The following TAMM41 variants were observed in gnomAD, a reference collection of about 807,000 sequenced individuals.
TAMM41 encodes phosphatidate cytidylyltransferase, mitochondrial.
Under a neutral mutation model 44.1 loss-of-function variants are expected in TAMM41, and 36 were observed. The observed-to-expected ratio is 0.82, with a 90% CI of 0.63 to 1.08. TAMM41 has a LOEUF of 1.08. TAMM41 is among the 50% of genes least tolerant of loss of function. The pLI is 0.00. For missense variants in TAMM41, 417 were observed against 404.3 expected, an observed-to-expected ratio of 1.03 and a Z score of -0.27; for synonymous variants, 164 against 153.1, an observed-to-expected ratio of 1.07 and a Z score of -0.53.
chr3:11,840,671 G>C (rs763596961), intron 2 of TAMM41, among the ~76,000 whole-genome samples: 7 of 151,912 alleles, frequency 4.6e-5, no homozygotes, highest in Non-Finnish European at 8.8e-5. Flanking sequence ...AGGTGGAATG[G>C]CTCTTAGATG....
chr3:11,825,620 T>C (rs1436033103), intron 4 of TAMM41, among the ~76,000 whole-genome samples: 1 of 152,212 alleles, frequency 6.6e-6, no homozygotes, highest in African/African-American at 2.4e-5. Flanking sequence ...CTTCGTCTTA[T>C]TCCTAGAAGT....
At chr3:11,830,020 T>A (rs2078919081) in intron 3 of TAMM41, 156 bp from the exon 4 acceptor site, 2 of 616,904 alleles carry the variant, frequency 3.2e-6, no homozygotes, top group South Asian at 4.8e-5. Flanking sequence ...TAATAAGTAA[T>A]CCCAGAATCT....
chr3:11,738,215 C>CATG, the TAMM41 span, among the ~76,000 whole-genome samples: 14 of 152,130 alleles, frequency 9.2e-5, no homozygotes, highest in African/African-American at 3.4e-4. Context: ...ACTCCAGTTT[C>CATG]AGAAATCATG....
At chr3:11,745,382 C>T in the TAMM41 span, among the ~76,000 whole-genome samples, 2 of 152,254 alleles carry the variant, frequency 1.3e-5, no homozygotes, top group Non-Finnish European at 2.9e-5. Context: ...TATATCCATG[C>T]TCATAGAAGC....
intron 5 of TAMM41, among the ~76,000 whole-genome samples, chr3:11,813,864 GTATATA>G (rs1167899657): frequency 7.8e-4 from 112 of 143,156 alleles, no homozygotes; most frequent in African/African-American, 2.9e-3. Flanking sequence ...GTGTATGTAT[GTATATA>G]TATGTATATA....
the TAMM41 span, among the ~76,000 whole-genome samples, chr3:11,754,715 T>C: frequency 1.4e-5 from 2 of 143,844 alleles, no homozygotes; most frequent in Non-Finnish European, 1.5e-5. Context: ...TCTCTTTTTT[T>C]TTTTTTTTTT....
the TAMM41 span, among the ~76,000 whole-genome samples, chr3:11,757,681 C>T: frequency 5.9e-5 from 9 of 152,328 alleles, no homozygotes; most frequent in African/African-American, 1.7e-4. Context: ...AAAATGACAA[C>T]GCTTTGTAAC....
In TAMM41 at chr3:11,836,246, C is replaced by T. The variant is rs187734465; in HGVS notation, c.411+2976G>A. ...CCTCAAGTGATCTGTCTGCCTCAGC[C>T]TCCCAAAGTGCTGGGATTACAGGCA... On this transcript the variant is annotated intron_variant, in intron 3 of 7. Transcript: ENST00000455809. Among the ~76,000 whole-genome samples, 185 of 152,288 alleles carry T rather than the reference C, an allele frequency of 1.2e-3. 1 individual carries two copies. Among genetic ancestry groups the T allele is most frequent in the Non-Finnish European group, 1.6e-3 (110 of 68,026 alleles).
the TAMM41 span, among the ~76,000 whole-genome samples, chr3:11,770,208 T>C: frequency 6.6e-6 from 1 of 152,196 alleles, no homozygotes; most frequent in Non-Finnish European, 1.5e-5. Context: ...TCTCCGTCTC[T>C]TCTGCAAAAT....
intron 3 of TAMM41, chr3:11,830,831 T>G (rs931021382): frequency 3.4e-5 from 5 of 149,086 alleles, no homozygotes; most frequent in African/African-American, 1.2e-4. Flanking sequence ...CAGTGAGCCA[T>G]GATCATGACA....
At chr3:11,742,792 C>T in the TAMM41 span, among the ~76,000 whole-genome samples, 9 of 151,546 alleles carry the variant, frequency 5.9e-5, 1 homozygote, top group South Asian at 4.2e-4. Context: ...ACAGGGGTCT[C>T]GCCATGTTGT....
Position 11,846,747 on chromosome 3 carries a change from C to T in TAMM41, c.-111G>A. The T allele has an allele frequency of 7.2e-7, 1 of 1,393,344 alleles. No homozygotes were observed. The highest frequency in any genetic ancestry group is 9.9e-7 in the Non-Finnish European group (1 of 1,006,382). The allele number at this position is 1,393,344 out of a possible 1,614,324, so 86.3% of individuals were successfully genotyped here. On this transcript the variant is annotated 5_prime_UTR_variant, in exon 1 of 8. Coordinates refer to ENST00000455809, the MANE Select transcript of TAMM41 (RefSeq NM_001284401.2). ...GGGAAATGGAAGTCGGAGACTGGAT[C>T]GAGGGACACAAGGCTGAGTGTGGGG...
At chr3:11,726,775 C>T in the TAMM41 span, among the ~76,000 whole-genome samples, 1 of 147,784 alleles carries the variant, frequency 6.8e-6, no homozygotes. Flanking sequence ...TGCACTCCAG[C>T]CTGGCAGCCT....
chr3:11,792,941 G>C (rs1285157532), intron 7 of TAMM41, among the ~76,000 whole-genome samples: 1 of 151,506 alleles, frequency 6.6e-6, no homozygotes, highest in East Asian at 2.0e-4. Flanking sequence ...TGTGCCTGTA[G>C]TCCCAGCTAC....
At chr3:11,748,786 T>C in the TAMM41 span, among the ~76,000 whole-genome samples, 1 of 152,144 alleles carries the variant, frequency 6.6e-6, no homozygotes, top group Non-Finnish European at 1.5e-5. Context: ...AGAGGGGTCA[T>C]GTGGATGGTG....
chr3:11,806,492 C>T (rs2077913696), intron 7 of TAMM41, among the ~76,000 whole-genome samples: 1 of 152,070 alleles, frequency 6.6e-6, no homozygotes, highest in Non-Finnish European at 1.5e-5. Flanking sequence ...AAATTATAAA[C>T]ACTCAACAGA....
At chr3:11,795,424 C>T (rs2077581784) in intron 7 of TAMM41, among the ~76,000 whole-genome samples, 1 of 152,172 alleles carries the variant, frequency 6.6e-6, no homozygotes, top group South Asian at 2.1e-4. Context: ...CCAGTCGTTC[C>T]CTTCTAAACA....
At chr3:11,733,604 T>G in the TAMM41 span, among the ~76,000 whole-genome samples, 1 of 151,934 alleles carries the variant, frequency 6.6e-6, no homozygotes, top group African/African-American at 2.4e-5. Context: ...GCCATTCTCC[T>G]GCCTCAGCCT....
intron 1 of TAMM41, 115 bp downstream of exon 1, chr3:11,846,387 T>C: frequency 1.6e-6 from 2 of 1,218,988 alleles, no homozygotes; most frequent in Non-Finnish European, 2.4e-6. Flanking sequence ...ACTCTGCTAG[T>C]GGACACGTGG....
Sources: gnomAD v4.1 joint callset for allele counts (sites outside exome capture counted in the v4.1 genomes callset) on GRCh38, gnomAD v4.1.1 for gene constraint, MANE v1.5 for transcripts, NCBI Gene and HGNC (gene_info 2026-07-23, HGNC 2026-07-21) for gene names.